Variants in CACNA1C observed in about 807,000 individuals in gnomAD.
CACNA1C encodes the protein calcium voltage-gated channel subunit alpha1 C.
Under a neutral mutation model 229.0 loss-of-function variants are expected in CACNA1C, and 30 were observed. That is an observed-to-expected ratio of 0.13 (90% confidence interval 0.10 to 0.18). CACNA1C has a LOEUF of 0.18. Among genes scored for constraint, CACNA1C ranks in the 10% least tolerant of loss-of-function variants. The pLI, the probability that CACNA1C is intolerant of heterozygous loss-of-function variation, is 1.00. For synonymous variants in CACNA1C, 1,114 were observed against 1,132.5 expected (o/e 0.98, Z 0.33); for missense variants, 1,658 against 2,845.0 (o/e 0.58, Z 9.49).
At chr12:2,687,561 CAG>C (rs2097571312) in intron 45 of CACNA1C, among the ~76,000 whole-genome samples, 1 of 144,516 alleles carries the variant, frequency 6.9e-6, no homozygotes, top group Non-Finnish European at 1.5e-5. Context: ...TTTTTTGAGA[CAG>C]AGTTTTGCTC....
Position 2,004,563 on chromosome 12 carries a change from A to G in CACNA1C, c.139+33362A>G, listed in dbSNP as rs1000946842. On this transcript the variant is annotated intron_variant, in intron 1 of 46. Coordinates refer to the CACNA1C transcript ENST00000682462. ...CCCGGGAGGCCTTCCGGCTCCAGTC[A>G]CCCCCACCCTCCTGCCCGCCGACAG... The G allele has an allele frequency of 3.8e-5, 50 of 1,314,300 alleles. No individual in the cohort carries two copies. In the African/African-American group the frequency reaches 5.0e-4, roughly 13 times the overall value. 81.4% of individuals were successfully genotyped at this position (1,314,300 alleles called of 1,614,324 possible). A position where few individuals can be genotyped will look rare whatever the true frequency, so the allele number is the denominator to read the frequency against.
At chr12:2,382,371 C>T (rs531802175) in intron 3 of CACNA1C, among the ~76,000 whole-genome samples, 5 of 152,300 alleles carry the variant, frequency 3.3e-5, no homozygotes, top group African/African-American at 1.2e-4. Context: ...TTGTGTATTA[C>T]AAAATTGTCT....
At chr12:2,475,470 T>C (rs952389268) in intron 5 of CACNA1C, among the ~76,000 whole-genome samples, 10 of 152,212 alleles carry the variant, frequency 6.6e-5, no homozygotes, top group African/African-American at 2.4e-4. Flanking sequence ...TGAAAATAAC[T>C]GTATTTACCA....
chr12:2,190,369 C>T (rs1485808617), intron 3 of CACNA1C, among the ~76,000 whole-genome samples: 1 of 152,150 alleles, frequency 6.6e-6, no homozygotes, highest in Non-Finnish European at 1.5e-5. Context: ...TTGCTCATCC[C>T]CGCCCCGCAG....
intron 3 of CACNA1C, among the ~76,000 whole-genome samples, chr12:2,429,792 C>G (rs1386363016): frequency 6.6e-6 from 1 of 152,162 alleles, no homozygotes; most frequent in Non-Finnish European, 1.5e-5. Context: ...AAAACACCAG[C>G]CGTGCCCAGC....
intron 5 of CACNA1C, among the ~76,000 whole-genome samples, chr12:2,466,644 G>A (rs948491520): frequency 6.6e-6 from 1 of 152,170 alleles, no homozygotes; most frequent in African/African-American, 2.4e-5. Flanking sequence ...GTACCCACAG[G>A]ATGCTGCTGG....
At chr12:2,069,050 GAGAAA>G (rs1226282951) in intron 1 of CACNA1C, among the ~76,000 whole-genome samples, 2 of 152,168 alleles carry the variant, frequency 1.3e-5, no homozygotes, top group African/African-American at 4.8e-5. Flanking sequence ...TAAAATGAAG[GAGAAA>G]AGAAAATTTT....
intron 1 of CACNA1C, among the ~76,000 whole-genome samples, chr12:2,101,024 AG>A (rs904695376): frequency 6.6e-6 from 1 of 151,864 alleles, no homozygotes; most frequent in Non-Finnish European, 1.5e-5. Flanking sequence ...AAAAGAAAAA[AG>A]AAAAAAAATT....
At position 2,653,873 on chromosome 12, in the gene CACNA1C, C is replaced by T; in HGVS notation, c.4113C>T (p.Phe1371=). The change falls in exon 33 of 47, where the codon TTC becomes TTT. Residue 1371 remains phenylalanine, a synonymous_variant. Transcript: ENST00000399655. This position sits in a 1 kb window ranked among gnomAD's most constrained non-coding sequence, Gnocchi z 4.7. ...PYVALLIVML[F]FIYAVIGMQV... is the part of the protein sequence containing the mutation. ...TGGCCCTCCTGATCGTGATGCTGTT[C>T]TTCATCTACGCGGTGATCGGGATGC... 1 of 1,613,936 alleles carries T rather than the reference C, an allele frequency of 6.2e-7. No homozygotes were observed. Among genetic ancestry groups the T allele is most frequent in the Non-Finnish European group, 8.5e-7 (1 of 1,179,876 alleles).
At chr12:2,350,046 A>G (rs935544778) in intron 3 of CACNA1C, among the ~76,000 whole-genome samples, 1 of 152,212 alleles carries the variant, frequency 6.6e-6, no homozygotes, top group Non-Finnish European at 1.5e-5. Context: ...GTTTTTGGCT[A>G]TGACACCCCT....
chr12:2,325,779 G>A (rs774859248), intron 3 of CACNA1C, among the ~76,000 whole-genome samples: 7 of 152,270 alleles, frequency 4.6e-5, no homozygotes, highest in Non-Finnish European at 8.8e-5. Flanking sequence ...TGTAGACAAG[G>A]TGGTGGTGTT....
In CACNA1C at chr12:2,640,122, A is replaced by G. The variant is rs144082960; in HGVS notation, c.3912+5742A>G. On this transcript the variant is annotated intron_variant, in intron 30 of 46. Coordinates refer to ENST00000399655, the MANE Select transcript of CACNA1C (RefSeq NM_000719.7). ...GCATCATGCTGAGGACACCATACAC[A>G]TGATCGGATGAAACCCGTGTGCTTA... 1.7e-3 allele frequency among the ~76,000 whole-genome samples: 263 copies of G among 152,288 alleles called. 1 individual carries two copies. The highest frequency in any genetic ancestry group is 2.8e-3 in the Non-Finnish European group (188 of 68,022).
chr12:2,153,630 T>C (rs1365062525), intron 3 of CACNA1C, among the ~76,000 whole-genome samples: 7 of 152,184 alleles, frequency 4.6e-5, no homozygotes, highest in African/African-American at 1.7e-4. Context: ...GTGGATCCCT[T>C]GCTGGTAGGA....
intron 10 of CACNA1C, among the ~76,000 whole-genome samples, chr12:2,553,681 G>T (rs936750039): frequency 3.3e-5 from 5 of 152,368 alleles, no homozygotes; most frequent in Admixed American, 1.3e-4. Flanking sequence ...ATGGCAGAAG[G>T]CCCAGGCGGT....
At chr12:2,109,994 GT>G (rs2081016545) in intron 1 of CACNA1C, among the ~76,000 whole-genome samples, 1 of 152,192 alleles carries the variant, frequency 6.6e-6, no homozygotes, top group African/African-American at 2.4e-5. Context: ...AGCAAACTGT[GT>G]TGAGCATTTT....
chr12:2,492,486 A>G (rs1248096441), intron 6 of CACNA1C, among the ~76,000 whole-genome samples: 1 of 152,234 alleles, frequency 6.6e-6, no homozygotes, highest in Non-Finnish European at 1.5e-5. Flanking sequence ...GAAGTCCCAC[A>G]TGACATGCAT....
At chr12:2,555,855 A>T (rs764126551) in intron 10 of CACNA1C, among the ~76,000 whole-genome samples, 3 of 152,052 alleles carry the variant, frequency 2.0e-5, no homozygotes, top group Admixed American at 1.3e-4. Flanking sequence ...TTGCTCTGCG[A>T]CACAGCTAGC....
At chr12:2,103,956 T>A (rs1193566294) in intron 1 of CACNA1C, among the ~76,000 whole-genome samples, 1 of 152,144 alleles carries the variant, frequency 6.6e-6, no homozygotes, top group Admixed American at 6.5e-5. Flanking sequence ...TTGGTACCAG[T>A]ACCATGCCGT....
Position 2,107,302 on chromosome 12 carries a change from T to C in CACNA1C, c.50-7922T>C, listed in dbSNP as rs1301259514. Among the ~76,000 whole-genome samples the C allele has an allele frequency of 8.1e-5, 11 of 135,246 alleles. No homozygotes were observed. The East Asian group carries it at 1.6e-3, about 20-fold the overall frequency. The allele number at this position is 135,246 out of a possible 152,430, so 88.7% of individuals were successfully genotyped here. On this transcript the variant is annotated intron_variant, in intron 1 of 46. Transcript: ENST00000399655. ...TGGGCGTCCTGAAGCCACTGGGTGC[T>C]CACCCTGGAGAGGGTTTCCACCTCA...
Sources: allele counts gnomAD v4.1 joint callset (sites outside exome capture counted in the v4.1 genomes callset), GRCh38; gene constraint gnomAD v4.1.1; non-coding constraint Gnocchi (gnomAD v3.1); transcripts MANE v1.5; gene names NCBI Gene and HGNC (gene_info 2026-07-23, HGNC 2026-07-21).